Variants in ARHGAP32 observed in about 807,000 individuals in gnomAD.
ARHGAP32 encodes the protein rho GTPase-activating protein 32.
A neutral mutation model predicts 186.5 loss-of-function variants in ARHGAP32; 51 were observed. The ratio of observed to expected loss-of-function variants is 0.27; its 90% CI spans 0.22 to 0.35. The LOEUF (loss-of-function observed/expected upper bound fraction) is 0.35, where lower values mean the gene tolerates loss of function less well. Ranked by LOEUF, ARHGAP32 falls within the 10% of genes least tolerant of loss-of-function variation. The pLI, the probability that ARHGAP32 is intolerant of heterozygous loss-of-function variation, is 1.00. For synonymous variants in ARHGAP32, 950 were observed against 964.3 expected (o/e 0.99, Z 0.27); for missense variants, 2,186 against 2,623.5 (o/e 0.83, Z 3.64).
intron 1 of ARHGAP32, among the ~76,000 whole-genome samples, chr11:129,243,845 C>G (rs752401749): frequency 2.0e-4 from 31 of 152,138 alleles, no homozygotes; most frequent in African/African-American, 7.5e-4. Context: ...CAAAGTAACC[C>G]GCACTTTCCT....
chr11:129,233,547 G>A (rs772219295), intron 1 of ARHGAP32, among the ~76,000 whole-genome samples: 12 of 151,926 alleles, frequency 7.9e-5, no homozygotes, highest in Admixed American at 4.6e-4. Flanking sequence ...CTTTTCGGAT[G>A]CCTTAGAGAA....
rs116438918 is a variant in ARHGAP32, at chr11:129,084,731, C to T, written c.531+8890G>A. ...AATGGTGACAAACTTGAAACTCTCCCGCTTGGATCAAAAACAAAGCAATGA... is the reference window on the plus strand; with the variant it reads ...AATGGTGACAAACTTGAAACTCTCCTGCTTGGATCAAAAACAAAGCAATGA... On this transcript the variant is annotated intron_variant, in intron 6 of 22. Coordinates refer to ENST00000682385, the MANE Select transcript of ARHGAP32 (RefSeq NM_001378024.1). Among the ~76,000 whole-genome samples, 852 of 152,254 alleles carry T rather than the reference C, an allele frequency of 5.6e-3. 10 individuals carry two copies. The highest frequency in any genetic ancestry group is 0.019 in the African/African-American group (797 of 41,542).
intron 22 of ARHGAP32, 97 bp downstream of exon 22, chr11:128,972,356 G>A: frequency 7.4e-7 from 1 of 1,358,800 alleles, no homozygotes; most frequent in Non-Finnish European, 9.8e-7. Context: ...AAAAGTAATT[G>A]TTGTGTCTGA....
chr11:129,092,581 C>T (rs1458173850), intron 6 of ARHGAP32, among the ~76,000 whole-genome samples: 1 of 151,852 alleles, frequency 6.6e-6, no homozygotes, highest in Admixed American at 6.6e-5. Context: ...CATATATAAA[C>T]AATACGTGAA....
At chr11:129,241,917 T>G (rs967891411) in intron 1 of ARHGAP32, among the ~76,000 whole-genome samples, 1 of 152,166 alleles carries the variant, frequency 6.6e-6, no homozygotes, top group African/African-American at 2.4e-5. Flanking sequence ...AAAAACATAG[T>G]ATTTACAAAT....
At position 129,018,613 on chromosome 11, in the gene ARHGAP32, T is replaced by C. The variant is rs184652418; in HGVS notation, c.1046-20145A>G. 3.9e-5 allele frequency among the ~76,000 whole-genome samples: 6 copies of C among 152,314 alleles called. No individual in the cohort carries two copies. The East Asian group carries it at 1.2e-3, about 29-fold the overall frequency. On this transcript the variant is annotated intron_variant, in intron 11 of 22. Transcript: ENST00000682385. ...TAGTTCGCATTCATCTTGGGAAATA[T>C]GTGATATGAATCTTACTCAGTCTAT...
chr11:129,048,098 C>A (rs1450674608), intron 10 of ARHGAP32, among the ~76,000 whole-genome samples: 4 of 151,782 alleles, frequency 2.6e-5, no homozygotes, highest in African/African-American at 9.7e-5. Flanking sequence ...TTGTATGTCC[C>A]CCAAAAGCAC....
intron 1 of ARHGAP32, among the ~76,000 whole-genome samples, chr11:129,267,698 G>A (rs551812068): frequency 9.2e-5 from 14 of 152,272 alleles, no homozygotes; most frequent in African/African-American, 3.1e-4. Context: ...GTCTTAGTCC[G>A]TTTAGTACTG....
At chr11:129,139,747 T>C (rs1198512186) in intron 2 of ARHGAP32, among the ~76,000 whole-genome samples, 1 of 152,212 alleles carries the variant, frequency 6.6e-6, no homozygotes, top group Non-Finnish European at 1.5e-5. Context: ...TCCCCAGCCA[T>C]GTGGAACTGT....
intron 12 of ARHGAP32, among the ~76,000 whole-genome samples, chr11:128,994,565 C>G (rs1218159514): frequency 6.6e-6 from 1 of 151,640 alleles, no homozygotes; most frequent in African/African-American, 2.4e-5. Context: ...GTGCTCTTCC[C>G]TTCTAGGCTT....
At chr11:128,973,697 C>T (rs1271741845) in intron 21 of ARHGAP32, 12 of 547,866 alleles carry the variant, frequency 2.2e-5, no homozygotes, top group South Asian at 2.6e-5. Context: ...ATGTCCCTCA[C>T]CTGGCTCAGA....
intron 11 of ARHGAP32, among the ~76,000 whole-genome samples, chr11:129,011,097 C>T (rs1938054103): frequency 6.6e-6 from 1 of 152,164 alleles, no homozygotes; most frequent in South Asian, 2.1e-4. Flanking sequence ...ACAGAGCTTA[C>T]TGATGGCAGA....
At chr11:128,987,275 G>C (rs1354427449) in intron 13 of ARHGAP32, among the ~76,000 whole-genome samples, 1 of 152,152 alleles carries the variant, frequency 6.6e-6, no homozygotes, top group African/African-American at 2.4e-5. Context: ...TCATCCACGG[G>C]CATGAGACCA....
At chr11:129,003,554 C>A (rs1465207628) in intron 11 of ARHGAP32, among the ~76,000 whole-genome samples, 4 of 152,056 alleles carry the variant, frequency 2.6e-5, no homozygotes, top group Non-Finnish European at 5.9e-5. Flanking sequence ...TAATTTTGAT[C>A]TCATTATTTG....
intron 1 of ARHGAP32, among the ~76,000 whole-genome samples, chr11:129,182,406 T>C (rs573538987): frequency 6.6e-6 from 1 of 152,272 alleles, no homozygotes; most frequent in East Asian, 1.9e-4. Flanking sequence ...ATCTGTAATA[T>C]GAGTTTCAGG....
chr11:129,039,119 T>C (rs1565390129), intron 11 of ARHGAP32, among the ~76,000 whole-genome samples: 1 of 152,162 alleles, frequency 6.6e-6, no homozygotes, highest in Admixed American at 6.5e-5. Context: ...ATGGAGCAAC[T>C]GGAAGTCTCA....
Position 128,986,799 on chromosome 11 carries a change from T to A in ARHGAP32, c.1299-131A>T. 6.3e-6 allele frequency: 5 copies of A among 798,914 alleles called. No homozygotes were observed. The South Asian group carries it at 1.1e-4, about 17-fold the overall frequency. The allele number at this position is 798,914 out of a possible 1,614,324, so 49.5% of individuals were successfully genotyped here. A position where few individuals can be genotyped will look rare whatever the true frequency, so the allele number is the denominator to read the frequency against. On this transcript the variant is annotated intron_variant, in intron 13 of 22. Coordinates refer to ENST00000682385, the MANE Select transcript of ARHGAP32 (RefSeq NM_001378024.1). ...TGAGTTGCTATTATCTTCCATTAAT[T>A]ATATTTCATTTAAGTTGTGTTTGGA...
intron 1 of ARHGAP32, among the ~76,000 whole-genome samples, chr11:129,172,162 C>G (rs1245292841): frequency 6.6e-6 from 1 of 152,128 alleles, no homozygotes; most frequent in East Asian, 1.9e-4. Context: ...ACCTTTATTT[C>G]TTTCTCTTGC....
intron 1 of ARHGAP32, among the ~76,000 whole-genome samples, chr11:129,186,410 T>C (rs1944162418): frequency 6.6e-6 from 1 of 152,342 alleles, no homozygotes; most frequent in African/African-American, 2.4e-5. Context: ...GACAGCCTAA[T>C]GGCTAGACTC....
Sources: gnomAD v4.1 joint callset for allele counts (sites outside exome capture counted in the v4.1 genomes callset) on GRCh38, gnomAD v4.1.1 for gene constraint, MANE v1.5 for transcripts, NCBI Gene and HGNC (gene_info 2026-07-23, HGNC 2026-07-21) for gene names.